The following RANBP2 variants were observed in gnomAD, a reference collection of about 807,000 sequenced individuals.
RANBP2 encodes the protein E3 SUMO-protein ligase RanBP2.
Under a neutral mutation model 303.6 loss-of-function variants are expected in RANBP2, and 57 were observed. That is an observed-to-expected ratio of 0.19 (90% CI 0.15 to 0.23). The LOEUF is 0.23. Ranked by LOEUF, RANBP2 falls within the 10% of genes least tolerant of loss-of-function variation. The pLI, the probability that RANBP2 is intolerant of heterozygous loss-of-function variation, is 1.00. For missense variants in RANBP2, 3,138 were observed against 3,780.8 expected (o/e 0.83, Z 4.46); for synonymous variants, 1,167 against 1,301.5 (o/e 0.90, Z 2.23).
At chr2:109,591,227 AGTT>A in the RANBP2 span, among the ~76,000 whole-genome samples, 1 of 152,202 alleles carries the variant, frequency 6.6e-6, no homozygotes. Context: ...AACTTGTTAA[AGTT>A]GTTATCTGAT....
the RANBP2 span, among the ~76,000 whole-genome samples, chr2:109,625,113 GAAAA>G: frequency 7.5e-6 from 1 of 133,518 alleles, no homozygotes; most frequent in Admixed American, 7.4e-5. Flanking sequence ...AAAAAGAAAA[GAAAA>G]GAAAGAAAAG....
At chr2:109,583,596 T>C in the RANBP2 span, among the ~76,000 whole-genome samples, 2 of 152,186 alleles carry the variant, frequency 1.3e-5, no homozygotes, top group Non-Finnish European at 2.9e-5. Flanking sequence ...CTCAAAGAAC[T>C]TAAACCAGAA....
chr2:109,349,073 A>G, the RANBP2 span, among the ~76,000 whole-genome samples: 4 of 152,154 alleles, frequency 2.6e-5, no homozygotes, highest in Admixed American at 2.6e-4. Flanking sequence ...TAACAGAACT[A>G]GAATTCTAAC....
At chr2:108,820,329 A>C in the RANBP2 span, among the ~76,000 whole-genome samples, 486 of 152,322 alleles carry the variant, frequency 3.2e-3, 2 homozygotes, top group African/African-American at 0.011. Flanking sequence ...TGAGGGACTT[A>C]TGGGAGATCA....
chr2:109,513,973 C>T, the RANBP2 span, among the ~76,000 whole-genome samples: 6 of 152,182 alleles, frequency 3.9e-5, no homozygotes, highest in African/African-American at 9.7e-5. Context: ...GCCTCCTGGG[C>T]CTGGGGGCCT....
At chr2:108,825,301 G>A in the RANBP2 span, among the ~76,000 whole-genome samples, 2 of 151,846 alleles carry the variant, frequency 1.3e-5, no homozygotes, top group Non-Finnish European at 2.9e-5. Flanking sequence ...TTTGGTAACA[G>A]CTTTATTGAG....
At chr2:108,853,925 A>T in the RANBP2 span, among the ~76,000 whole-genome samples, 2 of 115,808 alleles carry the variant, frequency 1.7e-5, no homozygotes, top group African/African-American at 8.3e-5. Flanking sequence ...TATATATATT[A>T]TATATAATTT....
At chr2:108,944,296 T>TA in the RANBP2 span, among the ~76,000 whole-genome samples, 1 of 152,292 alleles carries the variant, frequency 6.6e-6, no homozygotes, top group African/African-American at 2.4e-5. Flanking sequence ...GTATTTTTAG[T>TA]AGAGACGGGG....
At chr2:109,717,035 A>T in the RANBP2 span, among the ~76,000 whole-genome samples, 1 of 152,136 alleles carries the variant, frequency 6.6e-6, no homozygotes, top group African/African-American at 2.4e-5. Flanking sequence ...TTCCTTTCAC[A>T]CTAGACAAGA....
At chr2:109,408,587 G>A in the RANBP2 span, among the ~76,000 whole-genome samples, 1 of 152,214 alleles carries the variant, frequency 6.6e-6, no homozygotes, top group Non-Finnish European at 1.5e-5. Flanking sequence ...CTACCAGCCC[G>A]TGAGCTTCGC....
chr2:108,821,838 C>T, the RANBP2 span, among the ~76,000 whole-genome samples: 1 of 149,758 alleles, frequency 6.7e-6, no homozygotes, highest in Non-Finnish European at 1.5e-5. Flanking sequence ...CCAGCTACTC[C>T]AGAGGCTGAG....
At chr2:109,158,703 A>G in the RANBP2 span, among the ~76,000 whole-genome samples, 1 of 152,210 alleles carries the variant, frequency 6.6e-6, no homozygotes, top group African/African-American at 2.4e-5. Flanking sequence ...AATCAGATGT[A>G]ATTATGCCAC....
chr2:109,581,591 C>T, the RANBP2 span, among the ~76,000 whole-genome samples: 3 of 151,222 alleles, frequency 2.0e-5, no homozygotes, highest in Non-Finnish European at 2.9e-5. Context: ...ACTGAACACA[C>T]GGGAATGGCT....
the RANBP2 span, among the ~76,000 whole-genome samples, chr2:109,139,317 T>C: frequency 6.6e-6 from 1 of 152,210 alleles, no homozygotes; most frequent in Non-Finnish European, 1.5e-5. Context: ...CTGACCTTTT[T>C]TTTTTTACTG....
chr2:109,432,711 A>C, the RANBP2 span: 1 of 1,589,882 alleles, frequency 6.3e-7, no homozygotes, highest in Non-Finnish European at 8.6e-7. Context: ...AGGAGAGGGC[A>C]AGGGCCTGCA....
chr2:108,763,943 A>G lies in RANBP2; in HGVS notation c.3404A>G (p.His1135Arg), dbSNP rs1412938756. The part of the protein sequence containing the change: ...FRRSDDMFTF[H>R]GPGKSVFGTP... Reference sequence around the variant, plus strand: ...CGAAGTGATGATATGTTTACTTTCCATGGTCCAGGGAAATCAGTATTTGGA... The same window carrying G: ...CGAAGTGATGATATGTTTACTTTCCGTGGTCCAGGGAAATCAGTATTTGGA... Residue 1135 changes from histidine to arginine, a missense_variant, in exon 20 of 29, where the codon CAT becomes CGT. Transcript: ENST00000283195. The G allele has an allele frequency of 1.2e-6, 2 of 1,613,986 alleles. No individual in the cohort carries two copies. The highest frequency in any genetic ancestry group is 2.2e-5 in the South Asian group (2 of 91,088).
At chr2:108,817,087 C>T in the RANBP2 span, among the ~76,000 whole-genome samples, 2 of 152,132 alleles carry the variant, frequency 1.3e-5, no homozygotes, top group East Asian at 1.9e-4. Context: ...ACGTTCAAAC[C>T]ATAGCACATG....
the RANBP2 span, among the ~76,000 whole-genome samples, chr2:108,900,942 T>C: frequency 6.6e-6 from 1 of 152,228 alleles, no homozygotes; most frequent in East Asian, 1.9e-4. Context: ...TCCACAATTA[T>C]AGTTGAAGAC....
the RANBP2 span, among the ~76,000 whole-genome samples, chr2:109,303,368 A>C: frequency 6.6e-6 from 1 of 152,064 alleles, no homozygotes; most frequent in Non-Finnish European, 1.5e-5. Flanking sequence ...GAAGGTGGGC[A>C]CTCCCCACTT....
Sources: gnomAD v4.1 joint callset for allele counts (sites outside exome capture counted in the v4.1 genomes callset) on GRCh38, gnomAD v4.1.1 for gene constraint, MANE v1.5 for transcripts, NCBI Gene and HGNC (gene_info 2026-07-23, HGNC 2026-07-21) for gene names.